The following AQP7B variants were observed in gnomAD, a reference collection of about 807,000 sequenced individuals.
AQP7B encodes the protein putative aquaporin-7B.
the AQP7B span, among the ~76,000 whole-genome samples, chr2:94,591,138 C>G: frequency 6.6e-6 from 1 of 151,810 alleles, no homozygotes; most frequent in Non-Finnish European, 1.5e-5. Flanking sequence ...TCATCTATGC[C>G]CATGGCTCAG....
chr2:94,594,732 C>T, the AQP7B span: 9 of 1,539,710 alleles, frequency 5.8e-6, no homozygotes, highest in Non-Finnish European at 8.1e-6. Flanking sequence ...TGGGCTCGGG[C>T]CACTGTCTCA....
the AQP7B span, chr2:94,603,778 CT>C: frequency 1.9e-6 from 3 of 1,540,578 alleles, no homozygotes; most frequent in Non-Finnish European, 1.8e-6. Flanking sequence ...CAACCCAGCA[CT>C]GCCAGGAACA....
chr2:94,604,021 A>T, the AQP7B span: 13 of 819,238 alleles, frequency 1.6e-5, no homozygotes, highest in African/African-American at 2.2e-4. Context: ...GCAGCACAGG[A>T]GGGTCCTGCA....
At chr2:94,596,901 T>C in the AQP7B span, among the ~76,000 whole-genome samples, 236 of 152,290 alleles carry the variant, frequency 1.5e-3, no homozygotes, top group Non-Finnish European at 1.9e-3. Flanking sequence ...GGTTTCACCG[T>C]GTTGGCCAGA....
chr2:94,597,488 G>A, the AQP7B span, among the ~76,000 whole-genome samples: 1 of 152,044 alleles, frequency 6.6e-6, no homozygotes, highest in African/African-American at 2.4e-5. Flanking sequence ...TGTGAAGTAG[G>A]TACTATTATT....
At chr2:94,588,486 T>A in the AQP7B span, 2 of 649,896 alleles carry the variant, frequency 3.1e-6, no homozygotes, top group Non-Finnish European at 5.5e-6. Context: ...GACCTCTCTT[T>A]GGCTCCTCAG....
At chr2:94,588,213 TC>T in the AQP7B span, among the ~76,000 whole-genome samples, 1 of 151,898 alleles carries the variant, frequency 6.6e-6, no homozygotes, top group Non-Finnish European at 1.5e-5. Flanking sequence ...GCTGAGGGCA[TC>T]TCCACAGTCC....
the AQP7B span, among the ~76,000 whole-genome samples, chr2:94,599,947 C>T: frequency 0.068 from 10,249 of 151,264 alleles, 499 homozygotes; most frequent in Non-Finnish European, 0.1. Context: ...GGCGTGATCT[C>T]GGATCACTGC....
chr2:94,590,728 A>G, the AQP7B span, among the ~76,000 whole-genome samples: 3 of 151,954 alleles, frequency 2.0e-5, no homozygotes, highest in Non-Finnish European at 4.4e-5. Context: ...GGATTGCTTG[A>G]GTCCAGGAGT....
chr2:94,602,679 C>A, the AQP7B span: 3 of 1,465,064 alleles, frequency 2.0e-6, no homozygotes, highest in South Asian at 3.6e-5. Flanking sequence ...CTCTTTCCTG[C>A]CCACCTCAGC....
At chr2:94,597,624 T>TG in the AQP7B span, among the ~76,000 whole-genome samples, 28 of 150,894 alleles carry the variant, frequency 1.9e-4, 1 homozygote, top group African/African-American at 6.6e-4. Flanking sequence ...TTTTTTTTTT[T>TG]TGTTTTTTTT....
the AQP7B span, among the ~76,000 whole-genome samples, chr2:94,587,683 A>G: frequency 7.2e-5 from 11 of 152,104 alleles, no homozygotes; most frequent in Admixed American, 6.5e-4. Flanking sequence ...GATGGCAGGG[A>G]TGCACTGGGC....
At chr2:94,589,298 T>C in the AQP7B span, among the ~76,000 whole-genome samples, 1 of 151,924 alleles carries the variant, frequency 6.6e-6, no homozygotes. Flanking sequence ...TGTGAGCCAC[T>C]GCACCTGGCC....
At chr2:94,587,749 A>C in the AQP7B span, among the ~76,000 whole-genome samples, 3 of 152,270 alleles carry the variant, frequency 2.0e-5, no homozygotes, top group Admixed American at 6.5e-5. Context: ...GACCACCAGC[A>C]GTGGACCACA....
chr2:94,603,188 C>T, the AQP7B span: 2 of 1,481,220 alleles, frequency 1.4e-6, no homozygotes, highest in Admixed American at 1.9e-5. Flanking sequence ...AGTGTGCTGC[C>T]TGGGTGTCCA....
At chr2:94,599,970 C>T in the AQP7B span, among the ~76,000 whole-genome samples, 1 of 151,962 alleles carries the variant, frequency 6.6e-6, no homozygotes, top group Non-Finnish European at 1.5e-5. Context: ...GCTCCGCCTC[C>T]TGGGTTCAAG....
At chr2:94,590,209 G>A in the AQP7B span, among the ~76,000 whole-genome samples, 1 of 152,172 alleles carries the variant, frequency 6.6e-6, no homozygotes, top group Non-Finnish European at 1.5e-5. Context: ...TTGAGATGGA[G>A]TCTTGTTCTG....
the AQP7B span, among the ~76,000 whole-genome samples, chr2:94,602,210 G>A: frequency 3.3e-5 from 5 of 151,932 alleles, no homozygotes; most frequent in Non-Finnish European, 7.4e-5. Context: ...AAAACTTCAG[G>A]TGGGCCTGGG....
the AQP7B span, among the ~76,000 whole-genome samples, chr2:94,598,912 C>G: frequency 6.6e-6 from 1 of 152,198 alleles, no homozygotes; most frequent in Non-Finnish European, 1.5e-5. Context: ...AAGTGATTCT[C>G]CTGCCTCAGC....
Sources: gnomAD v4.1 joint callset for allele counts (sites outside exome capture counted in the v4.1 genomes callset) on GRCh38, gnomAD v4.1.1 for gene constraint, MANE v1.5 for transcripts, NCBI Gene and HGNC (gene_info 2026-07-23, HGNC 2026-07-21) for gene names.